Variants in ADGRL3 observed in about 807,000 individuals in gnomAD.
ADGRL3 encodes the protein calcium-independent alpha-latrotoxin receptor 3.
Under a neutral mutation model 153.5 loss-of-function variants are expected in ADGRL3, and 62 were observed. That is an observed-to-expected ratio of 0.40 (90% CI 0.33 to 0.50). The LOEUF is 0.50. Among genes scored for constraint, ADGRL3 ranks in the 20% least tolerant of loss-of-function variants. The pLI is 0.47. For synonymous variants in ADGRL3, 710 were observed against 672.5 expected (o/e 1.06, Z -0.86); for missense variants, 1,641 against 1,859.4 (o/e 0.88, Z 2.16).
intron 1 of ADGRL3, among the ~76,000 whole-genome samples, chr4:61,324,012 G>A (rs2095417261): frequency 6.6e-6 from 1 of 152,188 alleles, no homozygotes; most frequent in Non-Finnish European, 1.5e-5. Flanking sequence ...AAGGTAAGGA[G>A]GAGGAGGTCA....
intron 2 of ADGRL3, among the ~76,000 whole-genome samples, chr4:61,480,641 G>A (rs1405232325): frequency 6.6e-6 from 1 of 151,996 alleles, no homozygotes; most frequent in Non-Finnish European, 1.5e-5. Context: ...AAATTAGCTG[G>A]GCGGGGTTTC....
At chr4:61,468,853 C>G (rs555144234) in intron 2 of ADGRL3, among the ~76,000 whole-genome samples, 2 of 151,998 alleles carry the variant, frequency 1.3e-5, no homozygotes, top group African/African-American at 4.8e-5. Context: ...TAACCACTCC[C>G]TTCTATTGAC....
chr4:61,389,129 A>G (rs2151983244), intron 2 of ADGRL3, among the ~76,000 whole-genome samples: 1 of 152,374 alleles, frequency 6.6e-6, no homozygotes, highest in East Asian at 1.9e-4. Flanking sequence ...AGCAGCATGC[A>G]TGATCATGTG....
chr4:61,446,722 A>G (rs943425593), intron 2 of ADGRL3, among the ~76,000 whole-genome samples: 2 of 152,210 alleles, frequency 1.3e-5, no homozygotes, highest in African/African-American at 4.8e-5. Flanking sequence ...AGGACATAAA[A>G]TGTGAAAAAG....
At chr4:61,541,899 G>A (rs1275767029) in intron 4 of ADGRL3, among the ~76,000 whole-genome samples, 4 of 151,428 alleles carry the variant, frequency 2.6e-5, no homozygotes, top group African/African-American at 7.3e-5. Flanking sequence ...AGCTGAGCTC[G>A]TCAAGTTTTT....
chr4:61,233,071 A>G (rs1280777319), intron 1 of ADGRL3, among the ~76,000 whole-genome samples: 1 of 152,206 alleles, frequency 6.6e-6, no homozygotes, highest in Non-Finnish European at 1.5e-5. Flanking sequence ...TTATATTACA[A>G]TTACTACTAA....
At position 61,950,590 on chromosome 4, in the gene ADGRL3, G is replaced by C. The variant is rs1380216476; in HGVS notation, c.2805+2314G>C. 2.0e-5 allele frequency among the ~76,000 whole-genome samples: 3 copies of C among 152,320 alleles called. No homozygotes were observed. In the Middle Eastern group the frequency reaches 0.01, roughly 518 times the overall value. On this transcript the variant is annotated intron_variant, in intron 17 of 26. Coordinates refer to ENST00000683033, the MANE Select transcript of ADGRL3 (RefSeq NM_001387552.1). ...AAATATCTAAATTTAAGATTTGATT[G>C]GGGAAACAAGAATTGCAGTTCAGGG...
At chr4:61,554,025 A>C (rs2098752922) in intron 4 of ADGRL3, among the ~76,000 whole-genome samples, 1 of 152,020 alleles carries the variant, frequency 6.6e-6, no homozygotes, top group South Asian at 2.1e-4. Context: ...GTGAAATCTG[A>C]TAAAAGAACA....
At chr4:61,499,532 T>C (rs897072762) in intron 3 of ADGRL3, among the ~76,000 whole-genome samples, 7 of 152,304 alleles carry the variant, frequency 4.6e-5, no homozygotes, top group Middle Eastern at 3.4e-3. Context: ...TATAATGTTA[T>C]TTTGAGAATA....
At chr4:61,370,549 G>T (rs1340761999) in intron 1 of ADGRL3, among the ~76,000 whole-genome samples, 1 of 152,042 alleles carries the variant, frequency 6.6e-6, no homozygotes, top group Non-Finnish European at 1.5e-5. Context: ...TTTGAGTGAG[G>T]TTCTTAATCC....
chr4:61,464,750 A>G (rs1464515849), intron 2 of ADGRL3, among the ~76,000 whole-genome samples: 1 of 152,196 alleles, frequency 6.6e-6, no homozygotes, highest in African/African-American at 2.4e-5. Context: ...AAATTGCTTC[A>G]TATTTTATGC....
intron 6 of ADGRL3, among the ~76,000 whole-genome samples, chr4:61,693,650 CT>C (rs1245875995): frequency 1.3e-5 from 2 of 152,244 alleles, no homozygotes; most frequent in Non-Finnish European, 2.9e-5. Flanking sequence ...TTTTGTGATA[CT>C]TTGGTCAGTC....
chr4:61,356,841 T>C (rs2096181591), intron 1 of ADGRL3, among the ~76,000 whole-genome samples: 1 of 152,084 alleles, frequency 6.6e-6, no homozygotes, highest in East Asian at 1.9e-4. Context: ...GCCTTAAAGG[T>C]TCTGTTTCTT....
chr4:61,892,637 C>T lies in ADGRL3; in HGVS notation c.1481-19C>T. ...TGTGAACAAGCAATGTAGGTGTTTT[C>T]TTTCTAATTTTATTTCAGATATCTC... On this transcript the variant is annotated intron_variant, in intron 9 of 26. Coordinates refer to ENST00000683033, the MANE Select transcript of ADGRL3 (RefSeq NM_001387552.1). 1 of 1,604,306 alleles carries T rather than the reference C, an allele frequency of 6.2e-7. No individual in the cohort carries two copies. The highest frequency in any genetic ancestry group is 8.5e-7 in the Non-Finnish European group (1 of 1,171,332).
chr4:61,635,493 T>C (rs2093377566), intron 5 of ADGRL3, among the ~76,000 whole-genome samples: 2 of 152,094 alleles, frequency 1.3e-5, no homozygotes, highest in African/African-American at 2.4e-5. Context: ...AAAAGAGAGT[T>C]GAGGTATACC....
chr4:61,487,448 ATGTT>A (rs754818759), intron 2 of ADGRL3, among the ~76,000 whole-genome samples: 9 of 152,076 alleles, frequency 5.9e-5, no homozygotes, highest in Non-Finnish European at 1.2e-4. Flanking sequence ...GGCTTAATAA[ATGTT>A]AGTAGTTATT....
intron 4 of ADGRL3, among the ~76,000 whole-genome samples, chr4:61,586,913 G>T (rs2098948715): frequency 6.6e-6 from 1 of 151,900 alleles, no homozygotes; most frequent in Non-Finnish European, 1.5e-5. Flanking sequence ...GTATAAACTG[G>T]ATGATATTTC....
chr4:61,726,262 G>A lies in ADGRL3; in HGVS notation c.584-4360G>A, dbSNP rs530496832. On this transcript the variant is annotated intron_variant, in intron 6 of 26. Transcript: ENST00000683033. Reference sequence around the variant, plus strand: ...CGCCCAGGTTGGAGTGCAGTGGCGCGATCTTGGCTCACTGCAACCTCTGCC... The same window carrying A: ...CGCCCAGGTTGGAGTGCAGTGGCGCAATCTTGGCTCACTGCAACCTCTGCC... 7.1e-5 allele frequency among the ~76,000 whole-genome samples: 10 copies of A among 140,716 alleles called. 1 individual carries two copies. In the South Asian group the frequency reaches 1.7e-3, roughly 24 times the overall value. 92.3% of individuals were successfully genotyped at this position (140,716 alleles called of 152,430 possible). A position where few individuals can be genotyped will look rare whatever the true frequency, so the allele number is the denominator to read the frequency against.
intron 8 of ADGRL3, among the ~76,000 whole-genome samples, chr4:61,748,756 C>T (rs1157652882): frequency 6.6e-6 from 1 of 151,920 alleles, no homozygotes; most frequent in Non-Finnish European, 1.5e-5. Flanking sequence ...TCATAAAAAC[C>T]CTAGAAGAAA....
Sources: allele counts gnomAD v4.1 joint callset (sites outside exome capture counted in the v4.1 genomes callset), GRCh38; gene constraint gnomAD v4.1.1; transcripts MANE v1.5; gene names NCBI Gene and HGNC (gene_info 2026-07-23, HGNC 2026-07-21).